The following JARID2 variants were observed in gnomAD, a reference collection of about 807,000 sequenced individuals.
JARID2 encodes jumonji and AT-rich interaction domain containing 2.
In JARID2, 21 loss-of-function variants were observed where a neutral mutation model predicts 125.6. The observed-to-expected ratio is 0.17, with a 90% CI of 0.12 to 0.24. The LOEUF is 0.24. Among genes scored for constraint, JARID2 ranks in the 10% least tolerant of loss-of-function variants. JARID2 has a pLI of 1.00. For missense variants in JARID2, 1,303 were observed against 1,639.6 expected, an observed-to-expected ratio of 0.79 and a Z score of 3.55; for synonymous variants, 736 against 661.6, an observed-to-expected ratio of 1.11 and a Z score of -1.73.
Position 15,331,857 on chromosome 6 carries a change from G to A in JARID2, c.46-42260G>A, listed in dbSNP as rs72834582. Among the ~76,000 whole-genome samples the A allele has an allele frequency of 9.2e-3, 1,398 of 152,162 alleles. 12 individuals are homozygous for A. Among genetic ancestry groups the A allele is most frequent in the Middle Eastern group, 0.024 (7 of 294 alleles). On this transcript the variant is annotated intron_variant, in intron 1 of 17. Transcript: ENST00000341776. Reference sequence around the variant, plus strand: ...GGTGGGACCCCCTTTCTGCAGTTTCGCTTTCTGTGGTTTCTTAAAATAAAC... The same window carrying A: ...GGTGGGACCCCCTTTCTGCAGTTTCACTTTCTGTGGTTTCTTAAAATAAAC...
At chr6:15,506,986 A>T (rs1481726545) in intron 9 of JARID2, 150 bp from the exon 10 acceptor site, 3 of 616,866 alleles carry the variant, frequency 4.9e-6, no homozygotes, top group African/African-American at 1.8e-5. Context: ...TTTCTGCATT[A>T]GCGTCCTGCT....
At chr6:15,457,731 C>G (rs1235032701) in intron 4 of JARID2, among the ~76,000 whole-genome samples, 1 of 151,488 alleles carries the variant, frequency 6.6e-6, no homozygotes, top group African/African-American at 2.4e-5. Context: ...TTCTTTAAAC[C>G]TTGTTTGTTA....
In JARID2 at chr6:15,496,591, C is replaced by A. The variant is rs753647784; in HGVS notation, c.1366C>A (p.Pro456Thr). The A allele has an allele frequency of 1.9e-6, 3 of 1,601,612 alleles. No individual in the cohort carries two copies. The Admixed American group carries it at 5.2e-5, about 28-fold the overall frequency. ...ACACCAGGCGGAGAAGCCGCAGTCG[C>A]CCCCCAAGAAGATGAAAGGGGCGGC... Reference protein sequence around the residue: ...EAHQAEKPQSPPKKMKGAAGP... With the variant: ...EAHQAEKPQSTPKKMKGAAGP... Residue 456 changes from proline (P) to threonine (T), a missense_variant, in exon 7 of 18, where the codon CCC (proline) becomes ACC (threonine). By Grantham distance (38) the Pro-to-Thr change is conservative. Transcript: ENST00000341776.
chr6:15,392,246 C>T (rs532872694), intron 2 of JARID2, among the ~76,000 whole-genome samples: 6 of 152,224 alleles, frequency 3.9e-5, no homozygotes, highest in East Asian at 1.9e-4. Flanking sequence ...CGTTTGTATA[C>T]GAAGTTTTCC....
rs1022578559 is a variant in JARID2, at chr6:15,415,814, C to A, written c.323+5449C>A. Reference sequence around the variant, plus strand: ...CTCCCAGACGGGGCGGCTGGCCGGGCGGGGGGCTGACCCCCCCACCTCCCT... The same window carrying A: ...CTCCCAGACGGGGCGGCTGGCCGGGAGGGGGGCTGACCCCCCCACCTCCCT... On this transcript the variant is annotated intron_variant, in intron 3 of 17. Transcript: ENST00000341776. 2.6e-5 allele frequency among the ~76,000 whole-genome samples: 3 copies of A among 113,300 alleles called. 1 individual carries two copies. The highest frequency in any genetic ancestry group is 9.9e-5 in the African/African-American group (3 of 30,392). The allele number at this position is 113,300 out of a possible 152,430, so 74.3% of individuals were successfully genotyped here. A position where few individuals can be genotyped will look rare whatever the true frequency, so the allele number is the denominator to read the frequency against.
chr6:15,406,943 T>C (rs1391000483), intron 2 of JARID2, among the ~76,000 whole-genome samples: 5 of 152,142 alleles, frequency 3.3e-5, no homozygotes, highest in African/African-American at 7.2e-5. Context: ...AAGTGTCTTT[T>C]TTTTTCTGCA....
intron 3 of JARID2, among the ~76,000 whole-genome samples, chr6:15,417,677 G>C (rs1270173991): frequency 5.3e-5 from 8 of 152,176 alleles, no homozygotes; most frequent in African/African-American, 1.9e-4. Context: ...GGGAGATGGA[G>C]GTTGCAGTTA....
chr6:15,246,618 C>A, intron 1 of JARID2, 34 bp downstream of exon 1: 1 of 1,552,140 alleles, frequency 6.4e-7, no homozygotes, highest in Non-Finnish European at 8.9e-7. Context: ...CTTTGACTTG[C>A]AGTTTTAAGC....
At chr6:15,328,377 A>G (rs1762600700) in intron 1 of JARID2, among the ~76,000 whole-genome samples, 1 of 152,208 alleles carries the variant, frequency 6.6e-6, no homozygotes, top group Non-Finnish European at 1.5e-5. Context: ...GCAATTCCTA[A>G]TAACACCAGT....
intron 5 of JARID2, among the ~76,000 whole-genome samples, chr6:15,473,514 G>GCCCCCCCCCCCCCCCCCCCCCCCCCCCC (rs3841758): frequency 2.9e-5 from 1 of 35,000 alleles, no homozygotes; most frequent in Non-Finnish European, 7.4e-5. Context: ...TGATGTGCGT[G>GCCCCCCCCCCCCCCCCCCCCCCCCCCCC]CCCCCCCCCC....
At chr6:15,291,494 T>C (rs1441514639) in intron 1 of JARID2, among the ~76,000 whole-genome samples, 5 of 152,216 alleles carry the variant, frequency 3.3e-5, no homozygotes, top group Admixed American at 6.5e-5. Context: ...TGCGTCAGGC[T>C]TGAAGGAGCG....
chr6:15,322,591 T>G (rs760108523), intron 1 of JARID2, among the ~76,000 whole-genome samples: 50 of 152,302 alleles, frequency 3.3e-4, no homozygotes, highest in Non-Finnish European at 5.4e-4. Context: ...ATGCTTAGAT[T>G]TCAGGGATTT....
chr6:15,460,649 T>C (rs1013783694), intron 4 of JARID2, among the ~76,000 whole-genome samples: 3 of 151,916 alleles, frequency 2.0e-5, no homozygotes, highest in Admixed American at 2.0e-4. Flanking sequence ...GCACAAAGAC[T>C]GTTGTCTGTA....
intron 2 of JARID2, among the ~76,000 whole-genome samples, chr6:15,382,259 T>C (rs761926084): frequency 2.6e-5 from 4 of 152,090 alleles, no homozygotes; most frequent in Non-Finnish European, 5.9e-5. Flanking sequence ...TGAGACTTTC[T>C]CAAAAAACAG....
In JARID2 at chr6:15,473,514, G is replaced by GCCCC. The variant is rs3841758; in HGVS notation, c.670+4809_670+4812dup. 3.1e-4 allele frequency among the ~76,000 whole-genome samples: 11 copies of GCCCC among 35,064 alleles called. 1 individual carries two copies. Among genetic ancestry groups the GCCCC allele is most frequent in the Admixed American group, 8.9e-4 (2 of 2,236 alleles). 23.0% of individuals were successfully genotyped at this position (35,064 alleles called of 152,430 possible). On this transcript the variant is annotated intron_variant, in intron 5 of 17. Transcript: ENST00000341776. ...GTCTCCCTTGTCTTCTGATGTGCGT[G>GCCCC]CCCCCCCCCCCCCCCCGCTTTGTGT...
chr6:15,328,392 G>T (rs995984813), intron 1 of JARID2, among the ~76,000 whole-genome samples: 1 of 152,206 alleles, frequency 6.6e-6, no homozygotes, highest in Non-Finnish European at 1.5e-5. Context: ...ACCAGTGTCT[G>T]CAGGTTGCTG....
chr6:15,415,598 A>ACC lies in JARID2; in HGVS notation c.323+5236_323+5237dup, dbSNP rs1360918505. Reference sequence around the variant, plus strand: ...GGGCTGCTGGCCGGGCGGGGGGCTGACCCCTCCACCTCCCTCCCGGTCGGG... The same window carrying ACC: ...GGGCTGCTGGCCGGGCGGGGGGCTGACCCCCCTCCACCTCCCTCCCGGTCGGG... On this transcript the variant is annotated intron_variant, in intron 3 of 17. Coordinates refer to ENST00000341776, the MANE Select transcript of JARID2 (RefSeq NM_004973.4). Among the ~76,000 whole-genome samples, 187 of 80,890 alleles carry ACC rather than the reference A, an allele frequency of 2.3e-3. 2 individuals carry two copies. The highest frequency in any genetic ancestry group is 8.8e-3 in the African/African-American group (155 of 17,644). The allele number at this position is 80,890 out of a possible 152,430, so 53.1% of individuals were successfully genotyped here. A position where few individuals can be genotyped will look rare whatever the true frequency, so the allele number is the denominator to read the frequency against.
chr6:15,307,233 C>T (rs1761860598), intron 1 of JARID2, among the ~76,000 whole-genome samples: 1 of 151,950 alleles, frequency 6.6e-6, no homozygotes, highest in African/African-American at 2.4e-5. Flanking sequence ...CAGAGTGAGA[C>T]TGTGTCTCAA....
chr6:15,308,781 A>G (rs781443844), intron 1 of JARID2, among the ~76,000 whole-genome samples: 44 of 152,266 alleles, frequency 2.9e-4, no homozygotes, highest in Admixed American at 2.8e-3. Context: ...AGTTTGATCC[A>G]CCATGACTTT....
Sources: gnomAD v4.1 joint callset for allele counts (sites outside exome capture counted in the v4.1 genomes callset) on GRCh38, gnomAD v4.1.1 for gene constraint, MANE v1.5 for transcripts, NCBI Gene and HGNC (gene_info 2026-07-23, HGNC 2026-07-21) for gene names.